The following PPP1R9A variants were observed in gnomAD, a reference collection of about 807,000 sequenced individuals.
PPP1R9A encodes the protein neurabin-1.
A neutral mutation model predicts 141.9 loss-of-function variants in PPP1R9A; 59 were observed. The ratio of observed to expected loss-of-function variants is 0.42; its 90% CI spans 0.34 to 0.52. PPP1R9A has a LOEUF of 0.52. PPP1R9A is among the 20% of genes least tolerant of loss of function. The pLI, the probability that PPP1R9A is intolerant of heterozygous loss-of-function variation, is 0.10. For missense variants in PPP1R9A, 1,444 were observed against 1,611.9 expected (o/e 0.90, Z 1.78); for synonymous variants, 500 against 569.7 (o/e 0.88, Z 1.74).
chr7:95,172,022 A>G (rs1832189762), intron 5 of PPP1R9A, among the ~76,000 whole-genome samples: 1 of 151,710 alleles, frequency 6.6e-6, no homozygotes, highest in Non-Finnish European at 1.5e-5. Flanking sequence ...GGATTAAGGT[A>G]AAAGTCATTT....
intron 2 of PPP1R9A, among the ~76,000 whole-genome samples, chr7:95,070,350 A>G (rs746624324): frequency 1.3e-5 from 2 of 152,008 alleles, no homozygotes; most frequent in Non-Finnish European, 2.9e-5. Flanking sequence ...TCGAATGGAG[A>G]TACATCTTAA....
chr7:95,220,666 G>A (rs531245889), intron 7 of PPP1R9A, among the ~76,000 whole-genome samples: 6 of 152,158 alleles, frequency 3.9e-5, no homozygotes, highest in East Asian at 1.9e-4. Context: ...TAGCCACACC[G>A]GGATTGCAGG....
chr7:95,183,637 C>T (rs75549965), intron 5 of PPP1R9A, among the ~76,000 whole-genome samples: 18,411 of 150,460 alleles, frequency 0.12, 1,224 homozygotes, highest in East Asian at 0.16. Flanking sequence ...TTAGTAGAGA[C>T]GGGGTTTCAC....
intron 5 of PPP1R9A, among the ~76,000 whole-genome samples, chr7:95,193,083 C>A (rs1267079598): frequency 1.3e-5 from 2 of 152,058 alleles, no homozygotes; most frequent in Admixed American, 6.6e-5. Context: ...ATACTGATCT[C>A]CACATGAGGA....
intron 2 of PPP1R9A, among the ~76,000 whole-genome samples, chr7:94,991,593 T>C (rs1801516974): frequency 6.6e-6 from 1 of 152,052 alleles, no homozygotes; most frequent in South Asian, 2.1e-4. Context: ...GTAATAGTTC[T>C]TCTTTTCTTA....
chr7:95,004,723 A>G (rs1298710384), intron 2 of PPP1R9A, among the ~76,000 whole-genome samples: 1 of 152,194 alleles, frequency 6.6e-6, no homozygotes, highest in Non-Finnish European at 1.5e-5. Flanking sequence ...GATACCGTAT[A>G]CTGTGGTATG....
At position 94,922,995 on chromosome 7, in the gene PPP1R9A, T is replaced by A. The variant is rs536650141; in HGVS notation, c.1395+11487T>A. Reference sequence around the variant, plus strand: ...AGGACAACATGTCACAGAAAAAAAATTTGGTTTAATAGTGTAAATTTATGT... The same window carrying A: ...AGGACAACATGTCACAGAAAAAAAAATTGGTTTAATAGTGTAAATTTATGT... On this transcript the variant is annotated intron_variant, in intron 2 of 19. Coordinates refer to ENST00000433360, the MANE Select transcript of PPP1R9A (RefSeq NM_001166160.2). Among the ~76,000 whole-genome samples the A allele has an allele frequency of 4.6e-5, 7 of 152,240 alleles. No individual in the cohort carries two copies. The South Asian group carries it at 1.2e-3, about 27-fold the overall frequency.
chr7:95,215,656 T>C (rs1202520874), intron 7 of PPP1R9A, among the ~76,000 whole-genome samples: 1 of 152,212 alleles, frequency 6.6e-6, no homozygotes, highest in African/African-American at 2.4e-5. Flanking sequence ...TTTTTAATGA[T>C]CGCCATTCTA....
At chr7:94,951,882 A>G (rs535237958) in intron 2 of PPP1R9A, among the ~76,000 whole-genome samples, 13 of 151,440 alleles carry the variant, frequency 8.6e-5, no homozygotes, top group Non-Finnish European at 1.9e-4. Flanking sequence ...TTTTCATTCA[A>G]CCTCTTTGAA....
At chr7:95,135,939 C>T (rs2152547355) in intron 4 of PPP1R9A, among the ~76,000 whole-genome samples, 1 of 127,402 alleles carries the variant, frequency 7.8e-6, no homozygotes, top group South Asian at 2.6e-4. Flanking sequence ...ATTTGGCTTT[C>T]AAAATACAAA....
At chr7:95,097,235 A>G (rs1028395036) in intron 2 of PPP1R9A, among the ~76,000 whole-genome samples, 3 of 152,132 alleles carry the variant, frequency 2.0e-5, no homozygotes, top group Non-Finnish European at 4.4e-5. Context: ...CATGTTGGCC[A>G]GGCTGGTCCT....
At position 95,029,786 on chromosome 7, in the gene PPP1R9A, AT is replaced by A. The variant is rs148087468; in HGVS notation, c.1396-81469del. On this transcript the variant is annotated intron_variant, in intron 2 of 19. Coordinates refer to ENST00000433360, the MANE Select transcript of PPP1R9A (RefSeq NM_001166160.2). ...CTCATTATTGGCTTTTTGGAAAATT[AT>A]TTTAGACATGTGTTTGATTTCATAT... is the stretch of plus-strand genomic sequence containing the variant. Among the ~76,000 whole-genome samples, 623 of 152,252 alleles carry A rather than the reference AT, an allele frequency of 4.1e-3. 13 individuals are homozygous for A. Among genetic ancestry groups the A allele is most frequent in the East Asian group, 0.033 (172 of 5,186 alleles).
At chr7:95,103,480 G>A (rs997190167) in intron 2 of PPP1R9A, among the ~76,000 whole-genome samples, 47 of 148,746 alleles carry the variant, frequency 3.2e-4, no homozygotes, top group Middle Eastern at 3.6e-3. Flanking sequence ...CCATTCTCCC[G>A]CCTCAGCCTC....
At chr7:95,215,803 A>G (rs1367543368) in intron 7 of PPP1R9A, among the ~76,000 whole-genome samples, 2 of 152,084 alleles carry the variant, frequency 1.3e-5, no homozygotes, top group African/African-American at 2.4e-5. Flanking sequence ...TCCTTCGCCC[A>G]CTTTTTGATG....
chr7:95,132,276 A>T (rs1396213925), intron 4 of PPP1R9A, among the ~76,000 whole-genome samples: 1 of 152,144 alleles, frequency 6.6e-6, no homozygotes, highest in Non-Finnish European at 1.5e-5. Flanking sequence ...TTTTAAGGGG[A>T]ATGCTGCCAG....
chr7:95,152,151 C>T (rs900701378), intron 4 of PPP1R9A, among the ~76,000 whole-genome samples: 5 of 151,626 alleles, frequency 3.3e-5, no homozygotes, highest in Admixed American at 1.3e-4. Context: ...GGGGTTTCAC[C>T]ATGTTGGCCA....
At chr7:95,048,333 TTAGCC>T (rs2151966576) in intron 2 of PPP1R9A, among the ~76,000 whole-genome samples, 1 of 152,056 alleles carries the variant, frequency 6.6e-6, no homozygotes, top group South Asian at 2.1e-4. Flanking sequence ...CAGATCATAC[TTAGCC>T]TCAAAGAAGT....
chr7:95,207,062 G>GA lies in PPP1R9A; in HGVS notation c.1956+3342dup, dbSNP rs528587083. Among the ~76,000 whole-genome samples, 954 of 142,286 alleles carry GA rather than the reference G, an allele frequency of 6.7e-3. 3 individuals carry two copies. The highest frequency in any genetic ancestry group is 9.1e-3 in the Admixed American group (131 of 14,326). The allele number at this position is 142,286 out of a possible 152,430, so 93.3% of individuals were successfully genotyped here. On this transcript the variant is annotated intron_variant, in intron 7 of 19. Transcript: ENST00000433360. ...CCTTAATTTATGTTACTTTTCAGAA[G>GA]AAAAAAAAAAGCATATCTTTCCTTG...
chr7:94,947,513 C>G (rs1228597085), intron 2 of PPP1R9A, among the ~76,000 whole-genome samples: 2 of 152,068 alleles, frequency 1.3e-5, no homozygotes, highest in Non-Finnish European at 2.9e-5. Context: ...GTAAGAGATT[C>G]TTCAAACACA....
Sources: allele counts gnomAD v4.1 joint callset (sites outside exome capture counted in the v4.1 genomes callset), GRCh38; gene constraint gnomAD v4.1.1; transcripts MANE v1.5; gene names NCBI Gene and HGNC (gene_info 2026-07-23, HGNC 2026-07-21).